UNC13C: variants seen among roughly 807,000 people sequenced by gnomAD.
UNC13C encodes the protein unc-13 homolog C.
A neutral mutation model predicts 245.4 loss-of-function variants in UNC13C; 174 were observed. The observed-to-expected ratio is 0.71, with a 90% CI of 0.63 to 0.80. The LOEUF is 0.80. UNC13C is among the 30% of genes least tolerant of loss of function. UNC13C has a pLI of 0.00. For missense variants in UNC13C, 2,829 were observed against 2,602.9 expected (o/e 1.09, Z -1.89); for synonymous variants, 992 against 895.1 (o/e 1.11, Z -1.93).
chr15:54,037,914 AAGTG>A (rs10563292), intron 2 of UNC13C, among the ~76,000 whole-genome samples: 67,426 of 149,686 alleles, frequency 0.45, 15,345 homozygotes, highest in Non-Finnish European at 0.5. Flanking sequence ...TTTTACCAAA[AAGTG>A]AGAAGTGTAA....
chr15:54,043,698 G>T (rs1417134538), intron 2 of UNC13C, among the ~76,000 whole-genome samples: 1 of 152,128 alleles, frequency 6.6e-6, no homozygotes, highest in African/African-American at 2.4e-5. Flanking sequence ...CAGAACTTGG[G>T]ATACCCTATT....
intron 19 of UNC13C, among the ~76,000 whole-genome samples, chr15:54,441,594 G>A (rs903424825): frequency 6.6e-6 from 1 of 151,960 alleles, no homozygotes; most frequent in Non-Finnish European, 1.5e-5. Flanking sequence ...GTTGACTATA[G>A]CCTTGTAATA....
At chr15:54,355,985 A>G (rs1417732367) in intron 17 of UNC13C, among the ~76,000 whole-genome samples, 1 of 152,214 alleles carries the variant, frequency 6.6e-6, no homozygotes, top group Non-Finnish European at 1.5e-5. Flanking sequence ...ATAGTAGCAT[A>G]TTATACATAC....
chr15:53,985,380 T>G (rs1040065355), intron 1 of UNC13C, among the ~76,000 whole-genome samples: 1 of 151,720 alleles, frequency 6.6e-6, no homozygotes, highest in Non-Finnish European at 1.5e-5. Context: ...TATTATACTT[T>G]AAGTTTTAGG....
At chr15:54,195,237 C>T (rs1455223271) in intron 4 of UNC13C, among the ~76,000 whole-genome samples, 17 of 152,154 alleles carry the variant, frequency 1.1e-4, no homozygotes, top group Non-Finnish European at 5.9e-5. Flanking sequence ...AAAAAGCCTA[C>T]ACTCTAAGAA....
At chr15:54,559,511 T>C (rs575366529) in intron 29 of UNC13C, among the ~76,000 whole-genome samples, 1 of 152,158 alleles carries the variant, frequency 6.6e-6, no homozygotes, top group African/African-American at 2.4e-5. Flanking sequence ...ATATCATTAT[T>C]TGAGAGCTTA....
intron 1 of UNC13C, among the ~76,000 whole-genome samples, chr15:54,002,007 C>T (rs1251103710): frequency 6.6e-6 from 1 of 152,182 alleles, no homozygotes; most frequent in African/African-American, 2.4e-5. Context: ...TTCAAATCAG[C>T]CAGGCGTGGT....
intron 2 of UNC13C, among the ~76,000 whole-genome samples, chr15:54,105,705 A>G (rs945491129): frequency 1.3e-5 from 2 of 152,252 alleles, no homozygotes; most frequent in Non-Finnish European, 1.5e-5. Flanking sequence ...TGCAGAAATC[A>G]TGAAAATCTG....
the UNC13C span, among the ~76,000 whole-genome samples, chr15:53,890,506 G>T: frequency 1.3e-5 from 2 of 152,212 alleles, no homozygotes; most frequent in South Asian, 4.2e-4. Context: ...GACTTTTTTG[G>T]GTTGGTAGAC....
Position 54,294,137 on chromosome 15 carries a change from C to A in UNC13C, c.3988+73C>A, listed in dbSNP as rs1297815092. ...GAATACCTGTGGCATGTATTACATT[C>A]CCATATAAGTAAAAATAACCAATGC... On this transcript the variant is annotated intron_variant, in intron 11 of 32. Coordinates refer to ENST00000260323, the MANE Select transcript of UNC13C (RefSeq NM_001080534.3). 3.9e-6 allele frequency: 5 copies of A among 1,284,610 alleles called. No homozygotes were observed. The African/African-American group carries it at 4.6e-5, about 12-fold the overall frequency. The allele number at this position is 1,284,610 out of a possible 1,614,324, so 79.6% of individuals were successfully genotyped here. A position where few individuals can be genotyped will look rare whatever the true frequency, so the allele number is the denominator to read the frequency against.
chr15:54,495,941 AT>A (rs1893931830), intron 20 of UNC13C, among the ~76,000 whole-genome samples: 1 of 151,952 alleles, frequency 6.6e-6, no homozygotes, highest in African/African-American at 2.4e-5. Flanking sequence ...TGTTGGGGAG[AT>A]TTTGGTCAAA....
At chr15:54,447,737 C>T (rs1047609442) in intron 19 of UNC13C, among the ~76,000 whole-genome samples, 4 of 152,046 alleles carry the variant, frequency 2.6e-5, no homozygotes, top group Non-Finnish European at 4.4e-5. Context: ...CCTGGATTCC[C>T]TGATTTTTTG....
At chr15:54,207,568 A>G (rs1156511270) in intron 4 of UNC13C, among the ~76,000 whole-genome samples, 3 of 152,092 alleles carry the variant, frequency 2.0e-5, no homozygotes, top group Admixed American at 1.3e-4. Flanking sequence ...AGGGAATGGA[A>G]TAATTCATCT....
chr15:54,578,180 A>G (rs1164239870), intron 30 of UNC13C, among the ~76,000 whole-genome samples: 1 of 152,228 alleles, frequency 6.6e-6, no homozygotes. Flanking sequence ...AAGAGTTCTC[A>G]CAGCATAGAA....
chr15:54,175,479 C>T (rs1010236383), intron 4 of UNC13C, among the ~76,000 whole-genome samples: 3 of 150,340 alleles, frequency 2.0e-5, no homozygotes, highest in Non-Finnish European at 2.9e-5. Context: ...ACACTTTGTT[C>T]CCAAAAACAC....
chr15:54,018,048 A>G (rs940725041), intron 2 of UNC13C, among the ~76,000 whole-genome samples: 5 of 152,136 alleles, frequency 3.3e-5, no homozygotes, highest in Admixed American at 1.3e-4. Context: ...TTTAAAGGCT[A>G]TCTCTGCTCC....
At chr15:54,101,806 G>T (rs553611771) in intron 2 of UNC13C, among the ~76,000 whole-genome samples, 7 of 151,770 alleles carry the variant, frequency 4.6e-5, no homozygotes, top group Non-Finnish European at 8.8e-5. Context: ...GGCTGGTCTC[G>T]AACTCCTGAC....
chr15:53,995,153 C>A (rs539116681), intron 1 of UNC13C, among the ~76,000 whole-genome samples: 2 of 151,772 alleles, frequency 1.3e-5, no homozygotes, highest in Non-Finnish European at 2.9e-5. Context: ...GTTATATAGA[C>A]CCAACTGGTC....
intron 4 of UNC13C, among the ~76,000 whole-genome samples, chr15:54,145,893 G>A (rs534575239): frequency 6.6e-6 from 1 of 152,182 alleles, no homozygotes; most frequent in Non-Finnish European, 1.5e-5. Flanking sequence ...CAGTATAAAT[G>A]TCTGGCTAAA....
Sources: gnomAD v4.1 joint callset for allele counts (sites outside exome capture counted in the v4.1 genomes callset) on GRCh38, gnomAD v4.1.1 for gene constraint, MANE v1.5 for transcripts, NCBI Gene and HGNC (gene_info 2026-07-23, HGNC 2026-07-21) for gene names.